The following DMRT1 variants were observed in gnomAD, a reference collection of about 807,000 sequenced individuals.
DMRT1 encodes doublesex and mab-3 related transcription factor 1, also known as doublesex- and mab-3-related transcription factor 1.
A neutral mutation model predicts 32.3 loss-of-function variants in DMRT1; 7 were observed. The observed-to-expected ratio is 0.22, with a 90% CI of 0.12 to 0.41. The LOEUF is 0.41. Among genes scored for constraint, DMRT1 ranks in the 10% least tolerant of loss-of-function variants. DMRT1 has a pLI of 1.00. For missense variants in DMRT1, 625 were observed against 500.5 expected (o/e 1.25, Z -2.37); for synonymous variants, 278 against 206.1 (o/e 1.35, Z -2.99).
At chr9:922,094 G>A (rs1818373083) in intron 4 of DMRT1, among the ~76,000 whole-genome samples, 1 of 151,780 alleles carries the variant, frequency 6.6e-6, no homozygotes, top group East Asian at 1.9e-4. Context: ...TGCTCAGGCT[G>A]TCTTGAACTC....
chr9:845,435 T>C (rs1838865497), intron 1 of DMRT1, among the ~76,000 whole-genome samples: 2 of 152,164 alleles, frequency 1.3e-5, no homozygotes, highest in African/African-American at 4.8e-5. Context: ...CTCGAGCTCC[T>C]GACCTCAGGT....
intron 2 of DMRT1, among the ~76,000 whole-genome samples, chr9:880,735 A>G (rs1191968870): frequency 6.6e-6 from 1 of 150,818 alleles, no homozygotes; most frequent in Non-Finnish European, 1.5e-5. Flanking sequence ...AAAAAAAAAA[A>G]AAAAAAAAGA....
chr9:952,953 C>G (rs566878227), intron 4 of DMRT1, among the ~76,000 whole-genome samples: 4 of 151,988 alleles, frequency 2.6e-5, no homozygotes, highest in African/African-American at 9.6e-5. Context: ...GGGTTTTTTT[C>G]CTTAGGAGAT....
intron 4 of DMRT1, among the ~76,000 whole-genome samples, chr9:949,388 C>T (rs1819356817): frequency 6.6e-6 from 1 of 151,778 alleles, no homozygotes; most frequent in Admixed American, 6.6e-5. Context: ...CCCCAAAAAA[C>T]CCACAAAAAA....
chr9:929,929 C>T (rs893368138), intron 4 of DMRT1, among the ~76,000 whole-genome samples: 5 of 152,056 alleles, frequency 3.3e-5, no homozygotes, highest in Admixed American at 6.5e-5. Context: ...GAAAGGTCAG[C>T]GGTTTTAGGG....
chr9:858,634 G>A (rs994281743), intron 2 of DMRT1, among the ~76,000 whole-genome samples: 12 of 151,964 alleles, frequency 7.9e-5, no homozygotes, highest in Admixed American at 5.2e-4. Flanking sequence ...AGCACTTTGG[G>A]AGGCCGAGGC....
chr9:867,174 G>T (rs1816028191), intron 2 of DMRT1, among the ~76,000 whole-genome samples: 3 of 152,092 alleles, frequency 2.0e-5, no homozygotes, highest in Admixed American at 6.6e-5. Context: ...CTAGGAGCAG[G>T]GGGAAATTGG....
chr9:866,132 C>G (rs1376926081), intron 2 of DMRT1, among the ~76,000 whole-genome samples: 2 of 131,762 alleles, frequency 1.5e-5, no homozygotes, highest in African/African-American at 2.9e-5. Flanking sequence ...CTACTGCACT[C>G]CAGCCTGGGT....
intron 3 of DMRT1, among the ~76,000 whole-genome samples, chr9:896,015 C>T (rs4742540): frequency 1.3e-5 from 2 of 151,490 alleles, no homozygotes; most frequent in African/African-American, 2.4e-5. Flanking sequence ...ATGGTGGCCA[C>T]GATGGTCTGT....
At chr9:913,890 C>T (rs976498975) in intron 3 of DMRT1, among the ~76,000 whole-genome samples, 4 of 45,780 alleles carry the variant, frequency 8.7e-5, no homozygotes, top group African/African-American at 3.6e-4. Context: ...GAGACTCGGT[C>T]TCAAACAATT....
chr9:959,303 G>A (rs1819694999), intron 4 of DMRT1, among the ~76,000 whole-genome samples: 1 of 152,206 alleles, frequency 6.6e-6, no homozygotes, highest in African/African-American at 2.4e-5. Flanking sequence ...CATTTGCATT[G>A]CACAGAGTCC....
intron 4 of DMRT1, among the ~76,000 whole-genome samples, chr9:944,265 T>C (rs1487946299): frequency 1.3e-5 from 2 of 152,212 alleles, no homozygotes; most frequent in Non-Finnish European, 2.9e-5. Flanking sequence ...TTAATTATTG[T>C]GTGTTCCTGA....
intron 4 of DMRT1, among the ~76,000 whole-genome samples, chr9:949,720 T>C (rs567751204): frequency 3.4e-4 from 52 of 152,312 alleles, no homozygotes; most frequent in African/African-American, 1.3e-3. Flanking sequence ...CTTCCCTGTT[T>C]TCCCTTTCTC....
chr9:954,939 C>A (rs1586661479), intron 4 of DMRT1, among the ~76,000 whole-genome samples: 1 of 152,094 alleles, frequency 6.6e-6, no homozygotes, highest in Non-Finnish European at 1.5e-5. Flanking sequence ...TCCGCCTGGC[C>A]GTTCGTTAGC....
chr9:862,563 A>T (rs1815766402), intron 2 of DMRT1, among the ~76,000 whole-genome samples: 1 of 151,964 alleles, frequency 6.6e-6, no homozygotes, highest in African/African-American at 2.4e-5. Flanking sequence ...TTCTTAAAAT[A>T]TCTCTGCTCT....
intron 4 of DMRT1, among the ~76,000 whole-genome samples, chr9:936,036 T>C (rs1818875264): frequency 6.6e-6 from 1 of 152,226 alleles, no homozygotes; most frequent in African/African-American, 2.4e-5. Flanking sequence ...GCAGCCTGTC[T>C]CTACCCACTA....
intron 3 of DMRT1, among the ~76,000 whole-genome samples, chr9:902,173 G>A (rs1364697544): frequency 1.3e-5 from 2 of 151,734 alleles, no homozygotes; most frequent in African/African-American, 2.4e-5. Context: ...GCCTCCCAAA[G>A]TGCTGGGATT....
intron 2 of DMRT1, among the ~76,000 whole-genome samples, chr9:877,137 G>A (rs1564216685): frequency 6.6e-6 from 1 of 152,204 alleles, no homozygotes; most frequent in Non-Finnish European, 1.5e-5. Flanking sequence ...AATTCTCTGT[G>A]GTTCACCTTC....
rs113581880 is a variant in DMRT1 at position 918,793 on chromosome 9, C to G, written c.967+1886C>G. Among the ~76,000 whole-genome samples the G allele has an allele frequency of 2.3e-3, 350 of 152,298 alleles. 2 individuals are homozygous for G. The highest frequency in any genetic ancestry group is 8.0e-3 in the African/African-American group (331 of 41,560). On this transcript the variant is annotated intron_variant, in intron 4 of 4. Transcript: ENST00000382276. ...AGGAGTGTACAAATACGTAGAAAAT[C>G]AAAATCCCAGCTAATTTTTAACAGA...
Sources: gnomAD v4.1 joint callset for allele counts (sites outside exome capture counted in the v4.1 genomes callset) on GRCh38, gnomAD v4.1.1 for gene constraint, MANE v1.5 for transcripts, NCBI Gene and HGNC (gene_info 2026-07-23, HGNC 2026-07-21) for gene names.